Variants in CPVL observed in about 807,000 individuals in gnomAD.
CPVL encodes carboxypeptidase vitellogenic like, also known as probable serine carboxypeptidase CPVL.
A neutral mutation model predicts 63.7 loss-of-function variants in CPVL; 51 were observed. The observed-to-expected ratio is 0.80, with a 90% CI of 0.64 to 1.01. The LOEUF (loss-of-function observed/expected upper bound fraction) is 1.01, where lower values mean the gene tolerates loss of function less well. Ranked by LOEUF, CPVL falls within the 50% of genes least tolerant of loss-of-function variation. The pLI is 0.00. For missense variants in CPVL, 530 were observed against 573.1 expected, an observed-to-expected ratio of 0.92 and a Z score of 0.77; for synonymous variants, 195 against 206.0, an observed-to-expected ratio of 0.95 and a Z score of 0.46.
chr7:29,166,982 A>T (rs949688490), intron 5 of CPVL, among the ~76,000 whole-genome samples: 9 of 152,088 alleles, frequency 5.9e-5, no homozygotes, highest in Non-Finnish European at 1.3e-4. Context: ...ATATATTTCT[A>T]TGCTTTTTTG....
intron 11 of CPVL, among the ~76,000 whole-genome samples, chr7:29,046,477 G>A (rs542305810): frequency 6.6e-6 from 1 of 152,140 alleles, no homozygotes; most frequent in Non-Finnish European, 1.5e-5. Flanking sequence ...ATTTGCAGAT[G>A]GTTCCTCTTA....
chr7:29,041,651 C>G (rs575044589), intron 11 of CPVL, among the ~76,000 whole-genome samples: 14 of 152,166 alleles, frequency 9.2e-5, no homozygotes, highest in Admixed American at 3.3e-4. Context: ...TAAGAAACGG[C>G]CCTGCAAGAG....
rs549958548 is a variant in CPVL, at chr7:29,146,415, C to T, written c.-11+14G>A. The T allele has an allele frequency of 5.3e-5, 54 of 1,015,382 alleles. No homozygotes were observed. Among genetic ancestry groups the T allele is most frequent in the Non-Finnish European group, 6.7e-5 (48 of 720,994 alleles). The allele number at this position is 1,015,382 out of a possible 1,614,324, so 62.9% of individuals were successfully genotyped here. ...CTGAGCTGGCACGACCCACGCAGGG[C>T]AGGCGGCACTTACGCGGCGCAGTCG... On this transcript the variant is annotated intron_variant, in intron 1 of 12. Coordinates refer to ENST00000265394, the MANE Select transcript of CPVL (RefSeq NM_031311.5).
At chr7:29,051,537 C>T (rs1397025337) in intron 11 of CPVL, among the ~76,000 whole-genome samples, 1 of 152,066 alleles carries the variant, frequency 6.6e-6, no homozygotes, top group Non-Finnish European at 1.5e-5. Flanking sequence ...AAATTAAAAC[C>T]ACCATGCGAT....
chr7:29,183,145 C>T (rs889443814), intron 4 of CPVL, among the ~76,000 whole-genome samples: 8 of 148,020 alleles, frequency 5.4e-5, no homozygotes, highest in African/African-American at 1.8e-4. Flanking sequence ...AGTGCAACGG[C>T]GCAATCTTGG....
intron 6 of CPVL, among the ~76,000 whole-genome samples, chr7:29,092,048 A>C (rs1317820587): frequency 6.6e-6 from 1 of 152,170 alleles, no homozygotes; most frequent in African/African-American, 2.4e-5. Flanking sequence ...GTAGACTGGA[A>C]AAATCTGACC....
At chr7:29,093,845 C>T (rs752471231) in intron 5 of CPVL, among the ~76,000 whole-genome samples, 2 of 152,004 alleles carry the variant, frequency 1.3e-5, no homozygotes, top group South Asian at 2.1e-4. Context: ...CATTTTTTTC[C>T]GCTTTTATTT....
chr7:29,113,091 T>A (rs535495165), intron 2 of CPVL, among the ~76,000 whole-genome samples: 37 of 152,172 alleles, frequency 2.4e-4, no homozygotes, highest in African/African-American at 7.2e-4. Context: ...AGGTTTTTTT[T>A]AAGTTCTTTT....
intron 11 of CPVL, among the ~76,000 whole-genome samples, chr7:29,042,373 T>C (rs1789190974): frequency 6.6e-6 from 1 of 152,018 alleles, no homozygotes; most frequent in Admixed American, 6.6e-5. Context: ...GAAGCTGAGG[T>C]AGGAGGATCA....
intron 2 of CPVL, among the ~76,000 whole-genome samples, chr7:29,114,158 T>C (rs1309808004): frequency 6.6e-6 from 1 of 152,192 alleles, no homozygotes. Flanking sequence ...AGGGAATAGA[T>C]GCTACAAGTC....
chr7:29,083,205 C>G (rs1028414269), intron 7 of CPVL, among the ~76,000 whole-genome samples: 2 of 152,322 alleles, frequency 1.3e-5, no homozygotes, highest in African/African-American at 2.4e-5. Context: ...TGGAAAAACT[C>G]GGACCATTTT....
At chr7:29,093,309 G>A (rs1404973324) in intron 5 of CPVL, among the ~76,000 whole-genome samples, 1 of 137,384 alleles carries the variant, frequency 7.3e-6, no homozygotes, top group African/African-American at 3.3e-5. Flanking sequence ...CCCAGGAGGC[G>A]GAGATTGCAG....
intron 5 of CPVL, among the ~76,000 whole-genome samples, chr7:29,174,450 C>T (rs981935825): frequency 3.3e-5 from 5 of 152,152 alleles, no homozygotes; most frequent in Non-Finnish European, 5.9e-5. Context: ...GGGACAGGAA[C>T]CTGTCCAGAC....
upstream of CPVL, among the ~76,000 whole-genome samples, chr7:29,148,843 TG>T (rs1793146077): frequency 6.6e-6 from 1 of 152,042 alleles, no homozygotes; most frequent in Non-Finnish European, 1.5e-5. Context: ...TAATTGGGGC[TG>T]ATAAAGTGTG....
At chr7:29,139,570 G>T (rs9639594) in intron 1 of CPVL, among the ~76,000 whole-genome samples, 4 of 151,908 alleles carry the variant, frequency 2.6e-5, no homozygotes, top group Admixed American at 2.6e-4. Flanking sequence ...TAAATTACAT[G>T]TTTTTTAAGC....
chr7:29,120,811 T>A (rs1300636168), intron 2 of CPVL, 82 bp downstream of exon 2: 12 of 1,354,146 alleles, frequency 8.9e-6, no homozygotes, highest in Admixed American at 2.2e-5. Flanking sequence ...CAGGCGAGAC[T>A]TCGTCTCAAA....
At chr7:29,141,291 C>T (rs1791847381) in intron 1 of CPVL, among the ~76,000 whole-genome samples, 1 of 152,186 alleles carries the variant, frequency 6.6e-6, no homozygotes, top group Non-Finnish European at 1.5e-5. Flanking sequence ...GTGGCTGATG[C>T]CTGTAATCCC....
At chr7:29,087,457 C>T (rs1055469748) in intron 6 of CPVL, among the ~76,000 whole-genome samples, 1 of 149,814 alleles carries the variant, frequency 6.7e-6, no homozygotes, top group Non-Finnish European at 1.5e-5. Flanking sequence ...ATGCCAATAG[C>T]CACTTCAGTG....
intron 12 of CPVL, among the ~76,000 whole-genome samples, chr7:29,029,039 C>T (rs1787771359): frequency 6.6e-6 from 1 of 150,536 alleles, no homozygotes; most frequent in South Asian, 2.1e-4. Flanking sequence ...AGGTGCCCAA[C>T]AGGTATATGG....
Sources: allele counts gnomAD v4.1 joint callset (sites outside exome capture counted in the v4.1 genomes callset), GRCh38; gene constraint gnomAD v4.1.1; transcripts MANE v1.5; gene names NCBI Gene and HGNC (gene_info 2026-07-23, HGNC 2026-07-21).